SERGEF: variants seen among roughly 807,000 people sequenced by gnomAD.
SERGEF encodes the protein secretion regulating guanine nucleotide exchange factor.
SERGEF carries 51 observed loss-of-function variants against 50.0 expected under a neutral mutation model. The ratio of observed to expected loss-of-function variants is 1.02; its 90% CI spans 0.81 to 1.29. SERGEF has a LOEUF of 1.29. Ranked by LOEUF, SERGEF falls within the 50% of genes most tolerant of loss-of-function variation. The pLI, the probability that SERGEF is intolerant of heterozygous loss-of-function variation, is 0.00. For synonymous variants in SERGEF, 205 were observed against 212.4 expected (o/e 0.97, Z 0.30); for missense variants, 521 against 557.0 (o/e 0.94, Z 0.65).
At chr11:17,858,469 G>T (rs1850865501) in intron 10 of SERGEF, among the ~76,000 whole-genome samples, 1 of 152,110 alleles carries the variant, frequency 6.6e-6, no homozygotes, top group African/African-American at 2.4e-5. Context: ...AAGATTAGGG[G>T]AAAAGTTCAT....
At chr11:17,998,454 T>C (rs1362987025) in intron 5 of SERGEF, among the ~76,000 whole-genome samples, 876 of 60,300 alleles carry the variant, frequency 0.015, 25 homozygotes, top group Admixed American at 0.031. Flanking sequence ...TATATATATA[T>C]ATATATATAT....
intron 5 of SERGEF, among the ~76,000 whole-genome samples, chr11:17,997,064 G>A (rs1295820476): frequency 6.6e-6 from 1 of 152,140 alleles, no homozygotes; most frequent in Non-Finnish European, 1.5e-5. Flanking sequence ...AATTAGCCAA[G>A]CATGGTGGTG....
At chr11:17,947,046 C>G (rs1196731371) in intron 9 of SERGEF, among the ~76,000 whole-genome samples, 1 of 152,226 alleles carries the variant, frequency 6.6e-6, no homozygotes, top group Non-Finnish European at 1.5e-5. Context: ...ATACTTTCCT[C>G]TGGAAGACCA....
At chr11:17,949,078 A>T (rs1440036710) in intron 9 of SERGEF, among the ~76,000 whole-genome samples, 2 of 151,976 alleles carry the variant, frequency 1.3e-5, no homozygotes, top group African/African-American at 4.8e-5. Flanking sequence ...CCCTCTAACA[A>T]CTGGCTGGGG....
chr11:17,819,063 T>C (rs758958382), intron 10 of SERGEF, among the ~76,000 whole-genome samples: 1 of 151,644 alleles, frequency 6.6e-6, no homozygotes, highest in Non-Finnish European at 1.5e-5. Context: ...CCCATAATCT[T>C]ATTTGTCAGT....
At chr11:17,842,387 C>A (rs552755406) in intron 10 of SERGEF, among the ~76,000 whole-genome samples, 106 of 152,274 alleles carry the variant, frequency 7.0e-4, no homozygotes, top group Non-Finnish European at 1.1e-3. Context: ...CAGTGAAACA[C>A]CTTCTATAGA....
chr11:17,831,511 T>A (rs1850308112), intron 10 of SERGEF, among the ~76,000 whole-genome samples: 1 of 152,090 alleles, frequency 6.6e-6, no homozygotes, highest in African/African-American at 2.4e-5. Context: ...ATGAGTAAAA[T>A]CATGAAGCCA....
chr11:17,968,870 G>C (rs1339118361), intron 8 of SERGEF, among the ~76,000 whole-genome samples: 1 of 151,936 alleles, frequency 6.6e-6, no homozygotes, highest in East Asian at 1.9e-4. Context: ...GCTGGGGAGG[G>C]AGATGGAGGC....
At chr11:17,859,888 C>T (rs4363567) in intron 10 of SERGEF, among the ~76,000 whole-genome samples, 93,260 of 152,024 alleles carry the variant, frequency 0.61, 28,937 homozygotes, top group East Asian at 0.85. Context: ...TTTCAAAGAA[C>T]CAAAAAATTT....
At chr11:17,818,480 T>G (rs1850020528) in intron 10 of SERGEF, among the ~76,000 whole-genome samples, 1 of 152,232 alleles carries the variant, frequency 6.6e-6, no homozygotes, top group Non-Finnish European at 1.5e-5. Context: ...GATACATTAT[T>G]ATATCCATCA....
intron 10 of SERGEF, among the ~76,000 whole-genome samples, chr11:17,797,724 T>C (rs1450434792): frequency 6.6e-6 from 1 of 152,194 alleles, no homozygotes; most frequent in African/African-American, 2.4e-5. Flanking sequence ...GTTGTGTGAA[T>C]GAAAGGACAA....
At chr11:17,975,797 T>C (rs1459624955) in intron 8 of SERGEF, among the ~76,000 whole-genome samples, 27 of 152,160 alleles carry the variant, frequency 1.8e-4, no homozygotes, top group Admixed American at 1.8e-3. Flanking sequence ...CAAGGACCCC[T>C]TCTCATTGTA....
chr11:17,931,947 T>C (rs1852360380), intron 9 of SERGEF, among the ~76,000 whole-genome samples: 1 of 152,202 alleles, frequency 6.6e-6, no homozygotes, highest in Admixed American at 6.5e-5. Flanking sequence ...AACTGCTGCA[T>C]GTTTGCAGTA....
chr11:17,920,096 A>G (rs1032775165), intron 9 of SERGEF, among the ~76,000 whole-genome samples: 1 of 149,860 alleles, frequency 6.7e-6, no homozygotes, highest in Admixed American at 6.7e-5. Flanking sequence ...AAATATAAAA[A>G]ATTAGCTGGG....
chr11:17,895,083 T>G (rs1248471599), intron 9 of SERGEF, among the ~76,000 whole-genome samples: 2 of 152,224 alleles, frequency 1.3e-5, no homozygotes, highest in African/African-American at 4.8e-5. Flanking sequence ...CAAGAATCTT[T>G]GCCTTTGCTG....
chr11:17,968,709 T>TAA lies in SERGEF; in HGVS notation c.845-9075_845-9074dup, dbSNP rs35149608. Among the ~76,000 whole-genome samples the TAA allele has an allele frequency of 9.8e-4, 141 of 143,674 alleles. 2 individuals carry two copies. Among genetic ancestry groups the TAA allele is most frequent in the Admixed American group, 3.9e-3 (57 of 14,502 alleles). 94.3% of individuals were successfully genotyped at this position (143,674 alleles called of 152,430 possible). ...ACAGAACAAGAACCTGTCTCTAATT[T>TAA]AAAAAAAAAAAAAAGACAAAACTCC... On this transcript the variant is annotated intron_variant, in intron 8 of 10. Coordinates refer to ENST00000265965, the MANE Select transcript of SERGEF (RefSeq NM_012139.4).
At chr11:17,814,247 A>T (rs1463453218) in intron 10 of SERGEF, among the ~76,000 whole-genome samples, 2 of 152,232 alleles carry the variant, frequency 1.3e-5, no homozygotes, top group Non-Finnish European at 2.9e-5. Flanking sequence ...TAAGTAAAGC[A>T]GATTACCTTC....
intron 9 of SERGEF, among the ~76,000 whole-genome samples, chr11:17,953,811 G>A (rs556562234): frequency 1.3e-5 from 2 of 152,148 alleles, no homozygotes; most frequent in Non-Finnish European, 2.9e-5. Context: ...AATAGTGGGT[G>A]GTAGTAAGTG....
Position 18,000,551 on chromosome 11 carries a change from T to C in SERGEF, c.454A>G (p.Lys152Glu). 4.4e-6 allele frequency: 7 copies of C among 1,584,422 alleles called. No homozygotes were observed. The highest frequency in any genetic ancestry group is 1.2e-5 in the South Asian group (1 of 84,876). Reference sequence around the variant, plus strand: ...GCAGCAATACAAACAACCTTCTCTTTATGGAGCTGTCAAAATAAAGAAAAG... The same window carrying C: ...GCAGCAATACAAACAACCTTCTCTTCATGGAGCTGTCAAAATAAAGAAAAG... ...CVVPQAIELH[K>E]EKVVCIAAGL... Residue 152 changes from lysine to glutamate, a missense_variant, in exon 5 of 11, where the codon AAA becomes GAA. Transcript: ENST00000265965.
Sources: allele counts gnomAD v4.1 joint callset (sites outside exome capture counted in the v4.1 genomes callset), GRCh38; gene constraint gnomAD v4.1.1; transcripts MANE v1.5; gene names NCBI Gene and HGNC (gene_info 2026-07-23, HGNC 2026-07-21).